The following PDE1C variants were observed in gnomAD, a reference collection of about 807,000 sequenced individuals.
PDE1C encodes phosphodiesterase 1C, also known as dual specificity calcium/calmodulin-dependent 3',5'-cyclic nucleotide phosphodiesterase 1C.
PDE1C carries 62 observed loss-of-function variants against 93.1 expected under a neutral mutation model. The ratio of observed to expected loss-of-function variants is 0.67; its 90% CI spans 0.54 to 0.82. The LOEUF (loss-of-function observed/expected upper bound fraction) is 0.82. Ranked by LOEUF, PDE1C falls within the 40% of genes least tolerant of loss-of-function variation. The pLI, the probability that PDE1C is intolerant of heterozygous loss-of-function variation, is 0.00. For synonymous variants in PDE1C, 325 were observed against 310.1 expected (o/e 1.05, Z -0.50); for missense variants, 742 against 884.6 (o/e 0.84, Z 2.04).
intron 1 of PDE1C, among the ~76,000 whole-genome samples, chr7:32,356,356 A>G (rs933991171): frequency 5.9e-5 from 9 of 152,340 alleles, no homozygotes; most frequent in East Asian, 1.9e-4. Context: ...CTTGTTAATT[A>G]CAATGATCTT....
chr7:32,372,377 A>G (rs1457428577), intron 1 of PDE1C, among the ~76,000 whole-genome samples: 1 of 152,176 alleles, frequency 6.6e-6, no homozygotes, highest in Non-Finnish European at 1.5e-5. Flanking sequence ...GGGTACCAAG[A>G]CAATTCAATG....
intron 1 of PDE1C, among the ~76,000 whole-genome samples, chr7:32,273,086 C>T (rs1811068020): frequency 6.6e-6 from 1 of 152,188 alleles, no homozygotes; most frequent in Non-Finnish European, 1.5e-5. Flanking sequence ...AGTGCTCTAG[C>T]TACTGGTGAT....
At chr7:32,283,196 A>T (rs1811786070) in intron 1 of PDE1C, among the ~76,000 whole-genome samples, 1 of 152,240 alleles carries the variant, frequency 6.6e-6, no homozygotes, top group African/African-American at 2.4e-5. Flanking sequence ...CAATCGTGAT[A>T]CCTTAAAAAC....
intron 3 of PDE1C, among the ~76,000 whole-genome samples, chr7:32,168,216 A>G (rs1342197391): frequency 6.6e-6 from 1 of 152,222 alleles, no homozygotes; most frequent in Non-Finnish European, 1.5e-5. Context: ...AACAGAAATA[A>G]GTCCTGATAT....
At chr7:32,136,393 G>A (rs1249188565) in intron 3 of PDE1C, among the ~76,000 whole-genome samples, 1 of 152,050 alleles carries the variant, frequency 6.6e-6, no homozygotes, top group African/African-American at 2.4e-5. Flanking sequence ...CCAGGCTGGA[G>A]TGCAGTGGTG....
At chr7:32,119,756 T>C (rs565100696) in intron 3 of PDE1C, among the ~76,000 whole-genome samples, 1 of 152,138 alleles carries the variant, frequency 6.6e-6, no homozygotes, top group East Asian at 1.9e-4. Flanking sequence ...ATGCAACCCA[T>C]GGATCAGAAG....
rs553672340 is a variant in PDE1C at position 32,122,196 on chromosome 7, A to G, written c.308+47589T>C. 4.6e-5 allele frequency among the ~76,000 whole-genome samples: 7 copies of G among 152,366 alleles called. No homozygotes were observed. In the East Asian group the frequency reaches 7.7e-4, roughly 17 times the overall value. On this transcript the variant is annotated intron_variant, in intron 3 of 18. Transcript: ENST00000396193. ...ACTATCCTACATATATATGCATCCA[A>G]TATAGGAGCAGCCAGATTTATAAAA... is the stretch of plus-strand genomic sequence containing the variant.
rs569815054 is a variant in PDE1C at position 32,329,475 on chromosome 7, G to C, written c.310+98347C>G. ...CTTTTAATCCAGTGCAGGTGACCTT[G>C]AGGTGCCTCAGACTCCTGCTCCCTG... On this transcript the variant is annotated intron_variant, in intron 1 of 1. Transcript: ENST00000672256. 7.2e-5 allele frequency among the ~76,000 whole-genome samples: 11 copies of C among 152,286 alleles called. No individual in the cohort carries two copies. In the South Asian group the frequency reaches 2.1e-3, roughly 29 times the overall value.
intron 3 of PDE1C, among the ~76,000 whole-genome samples, chr7:32,108,355 T>C (rs1362199156): frequency 6.7e-6 from 1 of 149,800 alleles, no homozygotes; most frequent in African/African-American, 2.5e-5. Flanking sequence ...ATTAAGAATA[T>C]GATAAAAGCA....
intron 1 of PDE1C, among the ~76,000 whole-genome samples, chr7:32,383,795 C>A (rs1200689885): frequency 6.6e-6 from 1 of 152,166 alleles, no homozygotes; most frequent in Non-Finnish European, 1.5e-5. Context: ...AGGGTCCAAG[C>A]TTTGGAGTCA....
At chr7:31,701,703 C>T in the PDE1C span, among the ~76,000 whole-genome samples, 1 of 152,206 alleles carries the variant, frequency 6.6e-6, no homozygotes. Flanking sequence ...GCCACAGCCA[C>T]CTAACCTTCA....
At chr7:32,389,983 T>C (rs902227870) in intron 1 of PDE1C, among the ~76,000 whole-genome samples, 1 of 152,120 alleles carries the variant, frequency 6.6e-6, no homozygotes, top group Non-Finnish European at 1.5e-5. Context: ...TTGGTCTATA[T>C]TGAAACAGGG....
intron 1 of PDE1C, among the ~76,000 whole-genome samples, chr7:32,273,992 G>C (rs1256177351): frequency 6.6e-6 from 1 of 152,076 alleles, no homozygotes; most frequent in Non-Finnish European, 1.5e-5. Flanking sequence ...TACAAAAGTG[G>C]AGAATGGAGG....
chr7:32,014,523 TATAC>T (rs1424190422), intron 2 of PDE1C, among the ~76,000 whole-genome samples: 3 of 152,146 alleles, frequency 2.0e-5, no homozygotes, highest in African/African-American at 7.2e-5. Context: ...GTTACACAGG[TATAC>T]ATGTGCCATG....
Position 32,213,066 on chromosome 7 carries a change from C to T in PDE1C, c.86-3527G>A, listed in dbSNP as rs546042568. Among the ~76,000 whole-genome samples, 11 of 152,198 alleles carry T rather than the reference C, an allele frequency of 7.2e-5. No homozygotes were observed. The South Asian group carries it at 2.3e-3, about 32-fold the overall frequency. On this transcript the variant is annotated intron_variant, in intron 1 of 18. Coordinates refer to the PDE1C transcript ENST00000396193. ...TTTGTACAGTGACTATGCATTCAGT[C>T]AATATTTTTGGAACTCAAGTAGACT...
At chr7:31,657,497 G>T in the PDE1C span, among the ~76,000 whole-genome samples, 1 of 151,984 alleles carries the variant, frequency 6.6e-6, no homozygotes, top group African/African-American at 2.4e-5. Flanking sequence ...GTTCTGAGTC[G>T]CTTTCATACA....
intron 8 of PDE1C, among the ~76,000 whole-genome samples, chr7:31,850,110 C>G (rs1485922109): frequency 6.6e-6 from 1 of 152,006 alleles, no homozygotes; most frequent in Non-Finnish European, 1.5e-5. Context: ...GTGAAAGTAG[C>G]CTACAGGAGA....
At chr7:31,720,079 C>T in the PDE1C span, among the ~76,000 whole-genome samples, 1 of 138,296 alleles carries the variant, frequency 7.2e-6, no homozygotes, top group Non-Finnish European at 1.5e-5. Context: ...AGGAGAATGG[C>T]GTGAACCCGG....
chr7:32,030,859 C>T (rs1349093304), intron 2 of PDE1C, among the ~76,000 whole-genome samples: 1 of 152,022 alleles, frequency 6.6e-6, no homozygotes, highest in Non-Finnish European at 1.5e-5. Flanking sequence ...AGGAGATTTG[C>T]CTTGATATAT....
Sources: gnomAD v4.1 joint callset for allele counts (sites outside exome capture counted in the v4.1 genomes callset) on GRCh38, gnomAD v4.1.1 for gene constraint, MANE v1.5 for transcripts, NCBI Gene and HGNC (gene_info 2026-07-23, HGNC 2026-07-21) for gene names.